The following STAG1 variants were observed in gnomAD, a reference collection of about 807,000 sequenced individuals.
STAG1 encodes STAG1 cohesin complex component.
A neutral mutation model predicts 170.9 loss-of-function variants in STAG1; 26 were observed. The observed-to-expected ratio is 0.15, with a 90% CI of 0.11 to 0.21. The LOEUF (loss-of-function observed/expected upper bound fraction) is 0.21, where lower values mean the gene tolerates loss of function less well. Ranked by LOEUF, STAG1 falls within the 10% of genes least tolerant of loss-of-function variation. The pLI is 1.00. For synonymous variants in STAG1, 514 were observed against 497.7 expected, an observed-to-expected ratio of 1.03 and a Z score of -0.44; for missense variants, 964 against 1,509.5, an observed-to-expected ratio of 0.64 and a Z score of 5.99.
chr3:136,565,011 A>AAGGAAGGAAGGAAGGAAGGAAGGC (rs1207671431), intron 5 of STAG1, among the ~76,000 whole-genome samples: 6 of 45,452 alleles, frequency 1.3e-4, no homozygotes, highest in Non-Finnish European at 2.7e-4. Context: ...GGAAGGAAGG[A>AAGGAAGGAAGGAAGGAAGGAAGGC]AGGCAGGCAG....
chr3:136,471,072 A>G (rs1179012231), intron 12 of STAG1, among the ~76,000 whole-genome samples: 1 of 151,800 alleles, frequency 6.6e-6, no homozygotes, highest in Non-Finnish European at 1.5e-5. Flanking sequence ...ACATGTATAC[A>G]TATGTAACAA....
intron 1 of STAG1, among the ~76,000 whole-genome samples, chr3:136,676,566 C>T (rs1942134167): frequency 1.3e-5 from 2 of 152,112 alleles, no homozygotes; most frequent in Admixed American, 1.3e-4. Context: ...AAACCTCAAC[C>T]TACTGAATAG....
At chr3:136,370,382 T>C (rs528942240) in intron 23 of STAG1, among the ~76,000 whole-genome samples, 161 of 152,244 alleles carry the variant, frequency 1.1e-3, no homozygotes, top group African/African-American at 3.7e-3. Context: ...TATTATACTT[T>C]AAGTTTTAGG....
chr3:136,645,687 G>C (rs1278163318), intron 1 of STAG1, among the ~76,000 whole-genome samples: 2 of 152,154 alleles, frequency 1.3e-5, no homozygotes, highest in African/African-American at 4.8e-5. Flanking sequence ...TCAACTATCT[G>C]GAACATAGCT....
chr3:136,434,160 A>G (rs1211717141), intron 15 of STAG1, among the ~76,000 whole-genome samples: 1 of 152,178 alleles, frequency 6.6e-6, no homozygotes, highest in Non-Finnish European at 1.5e-5. Flanking sequence ...CAATGCTTCA[A>G]TAAACATCAT....
chr3:136,471,918 G>C (rs933689211), intron 12 of STAG1, among the ~76,000 whole-genome samples: 76 of 152,256 alleles, frequency 5.0e-4, no homozygotes, highest in Non-Finnish European at 3.2e-4. Flanking sequence ...ACTCACTGCA[G>C]CTTTGACCTT....
chr3:136,610,792 T>C (rs567761747), intron 3 of STAG1, among the ~76,000 whole-genome samples: 2 of 152,318 alleles, frequency 1.3e-5, no homozygotes, highest in African/African-American at 2.4e-5. Flanking sequence ...TCTAAGGGTT[T>C]TGACAAATGC....
intron 11 of STAG1, 80 bp from the exon 12 acceptor site, chr3:136,472,572 A>C: frequency 5.2e-6 from 5 of 960,698 alleles, no homozygotes; most frequent in Non-Finnish European, 8.1e-6. Flanking sequence ...GTATTCTGGG[A>C]TATATATGCA....
intron 1 of STAG1, among the ~76,000 whole-genome samples, chr3:136,743,591 T>C (rs1175651083): frequency 6.6e-6 from 1 of 152,030 alleles, no homozygotes; most frequent in Non-Finnish European, 1.5e-5. Context: ...AGAAACTAAA[T>C]TTGATTTTGT....
At chr3:136,747,845 C>T (rs1003061644) in intron 1 of STAG1, among the ~76,000 whole-genome samples, 1 of 150,012 alleles carries the variant, frequency 6.7e-6, no homozygotes, top group Admixed American at 6.6e-5. Flanking sequence ...GGCACAATCT[C>T]GGCTCACTGC....
At chr3:136,588,297 T>C (rs1171250782) in intron 4 of STAG1, among the ~76,000 whole-genome samples, 2 of 152,124 alleles carry the variant, frequency 1.3e-5, no homozygotes, top group African/African-American at 2.4e-5. Context: ...CACTGCTATA[T>C]TTGACTGGTT....
At chr3:136,462,463 A>G (rs1559816378) in intron 13 of STAG1, among the ~76,000 whole-genome samples, 1 of 152,180 alleles carries the variant, frequency 6.6e-6, no homozygotes, top group Non-Finnish European at 1.5e-5. Flanking sequence ...TCATGTTCTC[A>G]CTTTAATGTG....
chr3:136,435,927 C>T (rs1440783347), intron 15 of STAG1, among the ~76,000 whole-genome samples: 4 of 152,072 alleles, frequency 2.6e-5, no homozygotes, highest in Admixed American at 2.6e-4. Flanking sequence ...CTTGGCCTAC[C>T]AAAGCACGGG....
intron 9 of STAG1, among the ~76,000 whole-genome samples, chr3:136,495,747 T>C (rs1393250895): frequency 6.6e-6 from 1 of 151,008 alleles, no homozygotes; most frequent in Non-Finnish European, 1.5e-5. Flanking sequence ...GGCAGGTGGC[T>C]CGTGAGGTCA....
intron 16 of STAG1, among the ~76,000 whole-genome samples, chr3:136,429,592 A>T (rs766809137): frequency 3.3e-5 from 5 of 152,184 alleles, no homozygotes; most frequent in African/African-American, 4.8e-5. Flanking sequence ...GGTGACACAG[A>T]CCCTTGTATT....
chr3:136,527,020 T>C lies in STAG1; in HGVS notation c.472-5603A>G, dbSNP rs373605272. On this transcript the variant is annotated intron_variant, in intron 6 of 33. Transcript: ENST00000383202. ...ACCCGACCTTTCACTCTGGCTGCCC[T>C]TAACATTTTTTCCTTCATTTCAACT... Among the ~76,000 whole-genome samples, 10 of 152,338 alleles carry C rather than the reference T, an allele frequency of 6.6e-5. No individual in the cohort carries two copies. The East Asian group carries it at 9.6e-4, about 15-fold the overall frequency.
chr3:136,623,854 T>C (rs1380637602), intron 2 of STAG1, among the ~76,000 whole-genome samples: 1 of 151,578 alleles, frequency 6.6e-6, no homozygotes. Context: ...ACTCAGGAGG[T>C]TGAGGGAGGG....
chr3:136,430,202 G>A (rs528217718), intron 16 of STAG1: 96 of 152,276 alleles, frequency 6.3e-4, no homozygotes, highest in African/African-American at 2.3e-3. Flanking sequence ...TTTTGACTGT[G>A]CAGGTCAGTG....
rs188724250 is a variant in STAG1 at position 136,510,342 on chromosome 3, T to C, written c.677-7563A>G. 1.3e-3 allele frequency among the ~76,000 whole-genome samples: 200 copies of C among 152,256 alleles called. 1 individual carries two copies. The highest frequency in any genetic ancestry group is 4.5e-3 in the African/African-American group (185 of 41,560). On this transcript the variant is annotated intron_variant, in intron 7 of 33. Transcript: ENST00000383202. ...TCTCATTCTGTCGCCCAGACGGGAGTGCAGTGGTGCGATCTCAGCTCACTG... is the reference window on the plus strand; with the variant it reads ...TCTCATTCTGTCGCCCAGACGGGAGCGCAGTGGTGCGATCTCAGCTCACTG...
Sources: allele counts gnomAD v4.1 joint callset (sites outside exome capture counted in the v4.1 genomes callset), GRCh38; gene constraint gnomAD v4.1.1; transcripts MANE v1.5; gene names NCBI Gene and HGNC (gene_info 2026-07-23, HGNC 2026-07-21).